EML4: variants seen among roughly 807,000 people sequenced by gnomAD.
EML4 encodes the protein EMAP like 4.
EML4 carries 72 observed loss-of-function variants against 129.0 expected under a neutral mutation model. The ratio of observed to expected loss-of-function variants is 0.56; its 90% CI spans 0.46 to 0.68. EML4 has a LOEUF of 0.68. Among genes scored for constraint, EML4 ranks in the 30% least tolerant of loss-of-function variants. The pLI, the probability that EML4 is intolerant of heterozygous loss-of-function variation, is 0.00. For synonymous variants in EML4, 532 were observed against 405.0 expected, an observed-to-expected ratio of 1.31 and a Z score of -3.77; for missense variants, 1,363 against 1,190.6, an observed-to-expected ratio of 1.14 and a Z score of -2.13.
chr2:42,254,777 G>A (rs953651116), intron 2 of EML4, among the ~76,000 whole-genome samples: 5 of 152,050 alleles, frequency 3.3e-5, no homozygotes, highest in Non-Finnish European at 5.9e-5. Flanking sequence ...CAGCAGTTCC[G>A]CTCCTAGGTA....
intron 17 of EML4, among the ~76,000 whole-genome samples, chr2:42,308,054 C>A (rs1238013946): frequency 6.6e-6 from 1 of 152,212 alleles, no homozygotes; most frequent in Non-Finnish European, 1.5e-5. Context: ...ATGTCCAGAT[C>A]TAGATATCTT....
intron 1 of EML4, among the ~76,000 whole-genome samples, chr2:42,204,132 C>T (rs567308913): frequency 6.6e-6 from 1 of 152,206 alleles, no homozygotes; most frequent in South Asian, 2.1e-4. Context: ...GTTGCCCAGG[C>T]TGGTCTCAAA....
intron 6 of EML4, among the ~76,000 whole-genome samples, chr2:42,272,926 A>C (rs1015373030): frequency 1.3e-5 from 2 of 152,100 alleles, no homozygotes; most frequent in Non-Finnish European, 2.9e-5. Context: ...TATTTTAAGA[A>C]ATAACATTAT....
chr2:42,325,377 G>A (rs1558614219), intron 19 of EML4, 90 bp from the exon 20 acceptor site: 1 of 637,788 alleles, frequency 1.6e-6, no homozygotes, highest in African/African-American at 1.8e-5. Context: ...TCCAACAAAT[G>A]TGTATTCAGA....
chr2:42,285,541 A>G lies in EML4; in HGVS notation c.1012-728A>G, dbSNP rs138387366. On this transcript the variant is annotated intron_variant, in intron 9 of 22. Transcript: ENST00000318522. The stretch of plus-strand genomic sequence containing the variant: ...ATGAAGATTAGTAATACTAAAAGCA[A>G]AAGTATCCGGAGCAGATTTGCCTGG... Among the ~76,000 whole-genome samples, 1,266 of 152,206 alleles carry G rather than the reference A, an allele frequency of 8.3e-3. 9 individuals carry two copies. Among genetic ancestry groups the G allele is most frequent in the Non-Finnish European group, 0.013 (854 of 68,006 alleles).
chr2:42,313,664 A>G (rs904412416), intron 17 of EML4, among the ~76,000 whole-genome samples: 1 of 152,236 alleles, frequency 6.6e-6, no homozygotes, highest in Non-Finnish European at 1.5e-5. Flanking sequence ...ACAGTGGCTC[A>G]TGCCTGTAAT....
chr2:42,180,622 A>G (rs549962182), intron 1 of EML4, among the ~76,000 whole-genome samples: 8 of 152,244 alleles, frequency 5.3e-5, no homozygotes, highest in African/African-American at 1.7e-4. Flanking sequence ...TAACAATTTG[A>G]GAATTAAATT....
chr2:42,275,136 T>G (rs1666586206), intron 6 of EML4, among the ~76,000 whole-genome samples: 1 of 152,210 alleles, frequency 6.6e-6, no homozygotes, highest in African/African-American at 2.4e-5. Flanking sequence ...AGTCAAATTT[T>G]TAAAAAGTCA....
chr2:42,250,806 A>C lies in EML4; in HGVS notation c.208+5119A>C, dbSNP rs569889242. Among the ~76,000 whole-genome samples, 6 of 152,272 alleles carry C rather than the reference A, an allele frequency of 3.9e-5. No homozygotes were observed. The East Asian group carries it at 1.2e-3, about 29-fold the overall frequency. On this transcript the variant is annotated intron_variant, in intron 2 of 22. Transcript: ENST00000318522. ...TGTTGTTGTATTCTTATTGCATAGT[A>C]ATATATAATGAAATAATTATACAAC...
chr2:42,303,065 AT>A, intron 14 of EML4, 38 bp from the exon 15 acceptor site: 1 of 1,599,104 alleles, frequency 6.3e-7, no homozygotes, highest in African/African-American at 1.3e-5. Flanking sequence ...ATTAATGCAT[AT>A]TAGTATGTAT....
chr2:42,180,345 G>A (rs1409318171), intron 1 of EML4, among the ~76,000 whole-genome samples: 1 of 152,170 alleles, frequency 6.6e-6, no homozygotes, highest in South Asian at 2.1e-4. Flanking sequence ...ATTTTGTTTG[G>A]CCCTTTTGAG....
chr2:42,276,518 C>T (rs763305548), intron 6 of EML4, among the ~76,000 whole-genome samples: 8 of 152,130 alleles, frequency 5.3e-5, no homozygotes, highest in Non-Finnish European at 7.4e-5. Flanking sequence ...TGCTGTTCTG[C>T]GGACAGTCAC....
At chr2:42,178,270 G>T (rs1397807229) in intron 1 of EML4, among the ~76,000 whole-genome samples, 2 of 151,982 alleles carry the variant, frequency 1.3e-5, no homozygotes, top group African/African-American at 2.4e-5. Flanking sequence ...AGGCCAGGTG[G>T]TATAGCTCAC....
At chr2:42,241,812 T>C (rs1014482945) in intron 1 of EML4, among the ~76,000 whole-genome samples, 1 of 151,782 alleles carries the variant, frequency 6.6e-6, no homozygotes, top group Non-Finnish European at 1.5e-5. Flanking sequence ...CTTGAGCAAG[T>C]TATTTAGTTT....
chr2:42,281,696 AAATT>A (rs1450072750), intron 7 of EML4, among the ~76,000 whole-genome samples: 34 of 152,330 alleles, frequency 2.2e-4, no homozygotes, highest in African/African-American at 7.5e-4. Flanking sequence ...TTGTAACCTC[AAATT>A]AACAAGGCTG....
At chr2:42,275,385 T>G (rs539770367) in intron 6 of EML4, among the ~76,000 whole-genome samples, 1 of 152,168 alleles carries the variant, frequency 6.6e-6, no homozygotes, top group Non-Finnish European at 1.5e-5. Context: ...GATCATAGTT[T>G]TAGAGTGGAA....
At chr2:42,240,586 T>TCA (rs1436434729) in intron 1 of EML4, among the ~76,000 whole-genome samples, 2 of 152,264 alleles carry the variant, frequency 1.3e-5, no homozygotes, top group East Asian at 3.8e-4. Flanking sequence ...CCTACTCTGT[T>TCA]ATTTTAAATT....
intron 6 of EML4, among the ~76,000 whole-genome samples, chr2:42,266,650 C>T (rs1666082627): frequency 6.9e-6 from 1 of 145,620 alleles, no homozygotes; most frequent in Non-Finnish European, 1.5e-5. Context: ...GGTCCGAAAA[C>T]TTTTTTTTTT....
At chr2:42,194,757 TTG>T (rs1449089070) in intron 1 of EML4, among the ~76,000 whole-genome samples, 1 of 151,962 alleles carries the variant, frequency 6.6e-6, no homozygotes, top group Non-Finnish European at 1.5e-5. Flanking sequence ...AGTGATCCAC[TTG>T]TCTCAGCTCC....
Sources: allele counts gnomAD v4.1 joint callset (sites outside exome capture counted in the v4.1 genomes callset), GRCh38; gene constraint gnomAD v4.1.1; transcripts MANE v1.5; gene names NCBI Gene and HGNC (gene_info 2026-07-23, HGNC 2026-07-21).